The following ACP2 variants were observed in gnomAD, a reference collection of about 807,000 sequenced individuals.
ACP2 encodes lysosomal acid phosphatase.
In ACP2, 35 loss-of-function variants were observed where a neutral mutation model predicts 54.7. The observed-to-expected ratio is 0.64, with a 90% CI of 0.49 to 0.85. The LOEUF (loss-of-function observed/expected upper bound fraction) is 0.85. ACP2 is among the 40% of genes least tolerant of loss of function. ACP2 has a pLI of 0.00. For missense variants in ACP2, 492 were observed against 565.0 expected, an observed-to-expected ratio of 0.87 and a Z score of 1.31; for synonymous variants, 210 against 224.4, an observed-to-expected ratio of 0.94 and a Z score of 0.57.
intron 1 of ACP2, 168 bp downstream of exon 1, chr11:47,248,508 C>T: frequency 6.4e-7 from 1 of 1,551,136 alleles, no homozygotes; most frequent in Non-Finnish European, 8.7e-7. Context: ...GTCATCCTGA[C>T]TCCCATAAGC....
In ACP2 at chr11:47,245,587, G is replaced by A. The variant is rs755988176; in HGVS notation, c.451-15C>T. On this transcript the variant is annotated splice_polypyrimidine_tract_variant and intron_variant, in intron 4 of 10. Coordinates refer to ENST00000672073, the MANE Select transcript of ACP2 (RefSeq NM_001610.4). ...AACTTCAGCAGCTGTAGAGCGAAGCGGGGAAACAGGCAGCGGGAAAAGGAG... is the reference window on the plus strand; with the variant it reads ...AACTTCAGCAGCTGTAGAGCGAAGCAGGGAAACAGGCAGCGGGAAAAGGAG... 2.2e-5 allele frequency: 35 copies of A among 1,614,108 alleles called. No homozygotes were observed. Among genetic ancestry groups the A allele is most frequent in the Non-Finnish European group, 2.5e-5 (29 of 1,180,052 alleles).
intron 7 of ACP2, among the ~76,000 whole-genome samples, 189 bp downstream of exon 7, chr11:47,244,546 G>GAA (rs1371671720): frequency 6.6e-6 from 1 of 152,130 alleles, no homozygotes; most frequent in Non-Finnish European, 1.5e-5. Flanking sequence ...TTTTTAAAAA[G>GAA]AATATGAATG....
At position 47,243,050 on chromosome 11, in the gene ACP2, G is replaced by A; in HGVS notation, c.930C>T (p.Cys310=). Residue 310 remains cysteine, a synonymous_variant, in exon 9 of 11, where the codon TGC becomes TGT. Transcript: ENST00000672073. ...YNGEQAPYAS[C]HIFELYQEDS... ...CTTCCTGGTACAGTTCAAATATGTGGCAGGAGGCGTAGGGGGCTTGTTCAC... is the reference window on the plus strand; with the variant it reads ...CTTCCTGGTACAGTTCAAATATGTGACAGGAGGCGTAGGGGGCTTGTTCAC... 1.2e-6 allele frequency: 2 copies of A among 1,614,250 alleles called. No individual in the cohort carries two copies. The highest frequency in any genetic ancestry group is 1.7e-6 in the Non-Finnish European group (2 of 1,180,048).
Position 47,240,099 on chromosome 11 carries a change from A to G in ACP2, c.*17T>C. ...CCACCTCCCCTAGGAGGTGGAGGGA[A>G]GGGGGCTGAGTGGTTGTCAGGCGTG... On this transcript the variant is annotated 3_prime_UTR_variant, in exon 11 of 11. Transcript: ENST00000672073. The G allele has an allele frequency of 6.2e-7, 1 of 1,610,320 alleles. No individual in the cohort carries two copies. Among genetic ancestry groups the G allele is most frequent in the Middle Eastern group, 1.9e-4 (1 of 5,330 alleles).
At chr11:47,242,464 C>A (rs968588199) in intron 10 of ACP2, among the ~76,000 whole-genome samples, 1 of 151,654 alleles carries the variant, frequency 6.6e-6, no homozygotes, top group Non-Finnish European at 1.5e-5. Flanking sequence ...CCACCCTAAG[C>A]GGTGGCTTCC....
chr11:47,248,512 C>T, intron 1 of ACP2, 164 bp downstream of exon 1: 2 of 1,551,234 alleles, frequency 1.3e-6, no homozygotes, highest in African/African-American at 1.4e-5. Context: ...TCCTGACTCC[C>T]ATAAGCCAGG....
At position 47,245,324 on chromosome 11, in the gene ACP2, T is replaced by C. The variant is rs1247436144; in HGVS notation, c.620A>G (p.Tyr207Cys). 6.8e-6 allele frequency: 11 copies of C among 1,613,944 alleles called. No individual in the cohort carries two copies. In the Admixed American group the frequency reaches 1.2e-4, roughly 17 times the overall value. The change falls in exon 6 of 11, where the codon TAT (tyrosine) becomes TGT (cysteine). Residue 207 changes from tyrosine (Y) to cysteine (C), a missense_variant. By Grantham distance (194) the Tyr-to-Cys change is radical (BLOSUM62 -2). Transcript: ENST00000672073. ...DLTLETVWNV[Y>C]DTLFCEQTHG... ...GCTCACCTCACAGAAGAGTGTGTCA[T>C]AGACATTCCAGACGGTCTCCAGTGT...
chr11:47,241,289 G>A (rs2167080), intron 10 of ACP2, among the ~76,000 whole-genome samples: 41,239 of 152,154 alleles, frequency 0.27, 6,897 homozygotes, highest in Non-Finnish European at 0.39. Flanking sequence ...AGACTAAGGC[G>A]GGCGGATCAC....
At chr11:47,242,192 C>T (rs1220072659) in intron 10 of ACP2, among the ~76,000 whole-genome samples, 1 of 152,190 alleles carries the variant, frequency 6.6e-6, no homozygotes, top group African/African-American at 2.4e-5. Flanking sequence ...GGTCACCAGA[C>T]AAGTATGGCT....
At chr11:47,245,964 A>AGT in intron 3 of ACP2, 130 bp from the exon 4 acceptor site, 9 of 1,399,364 alleles carry the variant, frequency 6.4e-6, no homozygotes, top group Non-Finnish European at 6.5e-6. Context: ...GTCACCCCAA[A>AGT]GTGGAGCCCC....
rs1490784614 is a variant in ACP2 at position 47,245,405 on chromosome 11, T to C, written c.550-11A>G. 1.2e-6 allele frequency: 2 copies of C among 1,614,108 alleles called. No homozygotes were observed. The highest frequency in any genetic ancestry group is 1.7e-6 in the Non-Finnish European group (2 of 1,180,026). On this transcript the variant is annotated splice_polypyrimidine_tract_variant and intron_variant, in intron 5 of 10. Transcript: ENST00000672073. ...CATGTCCAGAAATTGCTATGAAAAATGGATCAGGGTCTCAGTCCTGCTCTG... is the reference window on the plus strand; with the variant it reads ...CATGTCCAGAAATTGCTATGAAAAACGGATCAGGGTCTCAGTCCTGCTCTG...
chr11:47,248,349 G>C (rs1330761600), intron 1 of ACP2: 1 of 1,258,498 alleles, frequency 7.9e-7, no homozygotes, highest in Non-Finnish European at 1.1e-6. Flanking sequence ...GCAAAGCCAA[G>C]GTACAGGTAG....
intron 7 of ACP2, 150 bp from the exon 8 acceptor site, chr11:47,243,471 T>G: frequency 1.6e-6 from 1 of 626,448 alleles, no homozygotes; most frequent in Non-Finnish European, 2.8e-6. Flanking sequence ...GTAAGAACTC[T>G]GTGGCACCCC....
chr11:47,248,355 G>T, intron 1 of ACP2: 2 of 1,302,828 alleles, frequency 1.5e-6, no homozygotes, highest in Non-Finnish European at 2.1e-6. Flanking sequence ...CCAAGGTACA[G>T]GTAGGAAGGG....
chr11:47,245,083 G>T, intron 6 of ACP2: 1 of 955,020 alleles, frequency 1.0e-6, no homozygotes, highest in Non-Finnish European at 1.6e-6. Context: ...GCAGAAAGGA[G>T]CTCTGGGTGG....
In ACP2 at chr11:47,240,249, T is replaced by C. The variant is rs367652206; in HGVS notation, c.1139A>G (p.Glu380Gly). 8 of 1,450,690 alleles carry C rather than the reference T, an allele frequency of 5.5e-6. No individual in the cohort carries two copies. Among genetic ancestry groups the C allele is most frequent in the Non-Finnish European group, 7.8e-6 (8 of 1,031,096 alleles). 89.9% of individuals were successfully genotyped at this position (1,450,690 alleles called of 1,614,324 possible). The change falls in exon 11 of 11, where the codon GAG (glutamate) becomes GGG (glycine). Residue 380 changes from glutamate (E) to glycine (G), a missense_variant and splice_region_variant. Physicochemically the swap from Glu to Gly is moderately conservative, Grantham distance 98. Coordinates refer to ENST00000672073, the MANE Select transcript of ACP2 (RefSeq NM_001610.4). ...CQLASGPADT[E>G]VIVALAVCGS... ...ACATACAGCCAAGGCCACAATCACCTCTGGGCATGGGGGAGGCAAGAGAAA... is the reference window on the plus strand; with the variant it reads ...ACATACAGCCAAGGCCACAATCACCCCTGGGCATGGGGGAGGCAAGAGAAA...
intron 10 of ACP2, 123 bp from the exon 11 acceptor site, chr11:47,240,372 C>A: frequency 1.6e-6 from 1 of 610,568 alleles, no homozygotes. Context: ...ATGGAGTTTA[C>A]ATTCTAGGAG....
At chr11:47,240,304 C>T in intron 10 of ACP2, 55 bp from the exon 11 acceptor site, 1 of 898,046 alleles carries the variant, frequency 1.1e-6, no homozygotes. Flanking sequence ...CATATGCCAG[C>T]TACTGTTCTG....
chr11:47,247,574 C>A (rs775095071), intron 3 of ACP2, 67 bp downstream of exon 3: 2 of 1,582,614 alleles, frequency 1.3e-6, no homozygotes, highest in African/African-American at 2.7e-5. Context: ...CAGCCTTAGG[C>A]TCCCTGAGGG....
Sources: allele counts gnomAD v4.1 joint callset (sites outside exome capture counted in the v4.1 genomes callset), GRCh38; gene constraint gnomAD v4.1.1; transcripts MANE v1.5; gene names NCBI Gene and HGNC (gene_info 2026-07-23, HGNC 2026-07-21).